Variants in CECR2 observed in about 807,000 individuals in gnomAD.
CECR2 encodes the protein chromatin remodeling regulator CECR2.
In CECR2, 30 loss-of-function variants were observed where a neutral mutation model predicts 154.5. The ratio of observed to expected loss-of-function variants is 0.19; its 90% CI spans 0.15 to 0.26. CECR2 has a LOEUF of 0.26. CECR2 is among the 10% of genes least tolerant of loss of function. CECR2 has a pLI of 1.00. For synonymous variants in CECR2, 725 were observed against 683.7 expected, an observed-to-expected ratio of 1.06 and a Z score of -0.94; for missense variants, 1,743 against 1,829.3, an observed-to-expected ratio of 0.95 and a Z score of 0.86.
Position 17,554,089 on chromosome 22 carries a change from A to G in CECR2, c.*1249A>G, listed in dbSNP as rs1273732375. ...ACAAGTTCTTGGAATTATCTGTTGT[A>G]TCTGTGATAGGAAACCATTTTACAG... On this transcript the variant is annotated 3_prime_UTR_variant, in exon 19 of 19. Coordinates refer to ENST00000262608, the MANE Select transcript of CECR2 (RefSeq NM_001290047.2). The G allele has an allele frequency of 1.3e-5, 2 of 152,202 alleles. No homozygotes were observed. The highest frequency in any genetic ancestry group is 2.4e-5 in the African/African-American group (1 of 41,456). The allele number at this position is 152,202 out of a possible 1,614,324, so 9.4% of individuals were successfully genotyped here.
chr22:17,400,055 C>G (rs142239505), intron 1 of CECR2, among the ~76,000 whole-genome samples: 62 of 152,142 alleles, frequency 4.1e-4, no homozygotes, highest in Non-Finnish European at 7.2e-4. Context: ...TCTAAAGCAC[C>G]ATTACTTTTT....
At chr22:17,371,066 G>C (rs1360212094) in intron 1 of CECR2, among the ~76,000 whole-genome samples, 1 of 152,092 alleles carries the variant, frequency 6.6e-6, no homozygotes, top group African/African-American at 2.4e-5. Flanking sequence ...ATCTTACTTT[G>C]TGCCATTTTC....
intron 5 of CECR2, among the ~76,000 whole-genome samples, chr22:17,502,642 A>C (rs563646921): frequency 1.3e-5 from 2 of 152,204 alleles, no homozygotes; most frequent in Middle Eastern, 3.4e-3. Flanking sequence ...TCTCTACTAA[A>C]AAATACAAAA....
At chr22:17,457,284 C>T (rs943099508) in intron 1 of CECR2, among the ~76,000 whole-genome samples, 1 of 152,240 alleles carries the variant, frequency 6.6e-6, no homozygotes, top group Non-Finnish European at 1.5e-5. Context: ...GCCTCGGCCT[C>T]CCAAAGTACT....
chr22:17,359,974 T>G (rs776815047), exon 1 of CECR2: 10 of 152,266 alleles, frequency 6.6e-5, no homozygotes, highest in Non-Finnish European at 1.2e-4. Flanking sequence ...CAAATGCCTG[T>G]GTGGTTTCAC....
intron 1 of CECR2, among the ~76,000 whole-genome samples, chr22:17,371,591 A>G (rs1345119461): frequency 6.6e-6 from 1 of 152,242 alleles, no homozygotes; most frequent in Non-Finnish European, 1.5e-5. Context: ...CAGTTGGTAC[A>G]AAATCGTGAG....
chr22:17,432,449 C>A (rs998657494), intron 1 of CECR2, among the ~76,000 whole-genome samples: 5 of 152,028 alleles, frequency 3.3e-5, no homozygotes, highest in African/African-American at 1.2e-4. Flanking sequence ...TGTAAAAGTT[C>A]TTTGTGTGCT....
chr22:17,370,325 G>C lies in CECR2; in HGVS notation c.126+416G>C, dbSNP rs2401111. Among the ~76,000 whole-genome samples the C allele has an allele frequency of 5.3e-5, 8 of 150,026 alleles. No homozygotes were observed. The East Asian group carries it at 1.2e-3, about 22-fold the overall frequency. Reference sequence around the variant, plus strand: ...GCTCCGGCGGGGCCGGGCGCGGGGGGGGGGCCCGCGCGGGATTAACTCGGA... The same window carrying C: ...GCTCCGGCGGGGCCGGGCGCGGGGGCGGGGCCCGCGCGGGATTAACTCGGA... On this transcript the variant is annotated intron_variant, in intron 1 of 18. Transcript: ENST00000262608.
chr22:17,415,362 CAAGT>C, intron 1 of CECR2, among the ~76,000 whole-genome samples: 1 of 152,258 alleles, frequency 6.6e-6, no homozygotes, highest in Non-Finnish European at 1.5e-5. Flanking sequence ...CTTAGCCTCC[CAAGT>C]AGCTGGGATC....
chr22:17,444,053 G>A (rs540574139), intron 1 of CECR2, among the ~76,000 whole-genome samples: 4 of 152,252 alleles, frequency 2.6e-5, no homozygotes, highest in East Asian at 3.9e-4. Context: ...GCATGTGCAG[G>A]CACACATACG....
chr22:17,549,434 C>T lies in CECR2; in HGVS notation c.4147C>T (p.Leu1383Phe), dbSNP rs1036842182. The change falls in exon 17 of 19, where the codon CTC (leucine) becomes TTC (phenylalanine). Residue 1383 changes from leucine to phenylalanine, a missense_variant. By Grantham distance (22) the Leu-to-Phe change is conservative. Transcript: ENST00000262608. ...HHPGATQPNG[L>F]SQEGPIYRCQ... ...CCCAGGGGCCACCCAGCCCAACGGC[C>T]TCTCTCAGGAGGGTCCCATCTATCG... 1 of 1,613,158 alleles carries T rather than the reference C, an allele frequency of 6.2e-7. No homozygotes were observed. Among genetic ancestry groups the T allele is most frequent in the African/African-American group, 1.3e-5 (1 of 75,022 alleles).
intron 8 of CECR2, among the ~76,000 whole-genome samples, chr22:17,523,771 A>G (rs1002884267): frequency 6.5e-4 from 98 of 150,632 alleles, no homozygotes; most frequent in African/African-American, 1.2e-3. Flanking sequence ...AAAAAAAAAA[A>G]AAAAGAAAAA....
intron 1 of CECR2, among the ~76,000 whole-genome samples, chr22:17,391,111 C>T (rs2063321193): frequency 1.3e-5 from 2 of 152,182 alleles, no homozygotes; most frequent in South Asian, 4.1e-4. Flanking sequence ...TGTACATGTA[C>T]TTCCTATGAA....
chr22:17,552,166 C>A (rs1309691797), intron 18 of CECR2, 24 bp downstream of exon 18: 2 of 1,592,266 alleles, frequency 1.3e-6, no homozygotes, highest in African/African-American at 1.3e-5. Context: ...AAAATTAGAG[C>A]TGTTCTTCTT....
chr22:17,407,351 T>C (rs893980945), intron 1 of CECR2, among the ~76,000 whole-genome samples: 1 of 152,144 alleles, frequency 6.6e-6, no homozygotes, highest in Admixed American at 6.5e-5. Context: ...ATCCCAGCAC[T>C]TTGGGAGGCC....
intron 1 of CECR2, among the ~76,000 whole-genome samples, chr22:17,372,864 G>T (rs5992034): frequency 0.2 from 30,494 of 151,822 alleles, 4,433 homozygotes; most frequent in African/African-American, 0.42. Flanking sequence ...GATCTCACCA[G>T]GCTGAACTCA....
At chr22:17,364,524 G>T (rs533777552), upstream of CECR2, among the ~76,000 whole-genome samples, 1 of 151,962 alleles carries the variant, frequency 6.6e-6, no homozygotes, top group African/African-American at 2.4e-5. Context: ...TTAAATAGAA[G>T]AGAGAGGCAG....
chr22:17,426,348 A>G (rs1303365420), intron 1 of CECR2, among the ~76,000 whole-genome samples: 1 of 152,012 alleles, frequency 6.6e-6, no homozygotes, highest in Admixed American at 6.6e-5. Flanking sequence ...AAATGGTTCT[A>G]TTCTTTTAAT....
chr22:17,524,387 CTTTTTTTTTT>C lies in CECR2; in HGVS notation c.1108+130_1108+139del, dbSNP rs200102476. On this transcript the variant is annotated intron_variant, in intron 9 of 18. Transcript: ENST00000262608. Reference sequence around the variant, plus strand: ...GCATCCAAGTTGTTTCCGGCAATTTCTTTTTTTTTTTTTTTTTTTTTTTGAGACGGAGTCT... The same window carrying C: ...GCATCCAAGTTGTTTCCGGCAATTTCTTTTTTTTTTTTTGAGACGGAGTCT... 113 of 392,334 alleles carry C rather than the reference CTTTTTTTTTT, an allele frequency of 2.9e-4. 2 individuals are homozygous for C. The highest frequency in any genetic ancestry group is 4.1e-4 in the Non-Finnish European group (104 of 256,316). 24.3% of individuals were successfully genotyped at this position (392,334 alleles called of 1,614,324 possible). A position where few individuals can be genotyped will look rare whatever the true frequency, so the allele number is the denominator to read the frequency against.
Sources: allele counts gnomAD v4.1 joint callset (sites outside exome capture counted in the v4.1 genomes callset), GRCh38; gene constraint gnomAD v4.1.1; transcripts MANE v1.5; gene names NCBI Gene and HGNC (gene_info 2026-07-23, HGNC 2026-07-21).